CLYBL: variants seen among roughly 807,000 people sequenced by gnomAD.
The protein encoded by CLYBL is citramalyl-CoA lyase, also known as citramalyl-CoA lyase, mitochondrial.
A neutral mutation model predicts 38.9 loss-of-function variants in CLYBL; 31 were observed. The ratio of observed to expected loss-of-function variants is 0.80; its 90% confidence interval spans 0.60 to 1.08. The LOEUF is 1.08. Among genes scored for constraint, CLYBL ranks in the 50% least tolerant of loss-of-function variants. The pLI is 0.00. For synonymous variants in CLYBL, 171 were observed against 158.6 expected, an observed-to-expected ratio of 1.08 and a Z score of -0.59; for missense variants, 434 against 411.6, an observed-to-expected ratio of 1.05 and a Z score of -0.47.
chr13:99,702,447 A>C (rs940983726), intron 1 of CLYBL, among the ~76,000 whole-genome samples: 5 of 152,058 alleles, frequency 3.3e-5, no homozygotes, highest in African/African-American at 1.2e-4. Flanking sequence ...CCTGATCAAC[A>C]TGGTGAAACC....
intron 1 of CLYBL, among the ~76,000 whole-genome samples, chr13:99,677,464 A>G (rs2047670692): frequency 6.6e-6 from 1 of 152,166 alleles, no homozygotes; most frequent in African/African-American, 2.4e-5. Flanking sequence ...TTTATTAAAT[A>G]TGAGTGCACG....
At chr13:99,659,216 GTA>G (rs57354711) in intron 1 of CLYBL, among the ~76,000 whole-genome samples, 3,256 of 148,782 alleles carry the variant, frequency 0.022, 121 homozygotes, top group African/African-American at 0.078. Flanking sequence ...GTGTGTGTGT[GTA>G]TATATATATA....
intron 1 of CLYBL, among the ~76,000 whole-genome samples, chr13:99,730,709 G>A (rs901460280): frequency 6.6e-6 from 1 of 152,122 alleles, no homozygotes; most frequent in African/African-American, 2.4e-5. Flanking sequence ...ATGGACACAG[G>A]ACCAGGGAGG....
rs1421732941 is a variant in CLYBL, at chr13:99,870,953, AC to A, written c.821del (p.Pro274LeufsTer24). ...ATTCTTGTAGGTAAGCAGGTGATTCACCCTAACCAAATTGCCGTGGTCCAGG... is the reference window on the plus strand; with the variant it reads ...ATTCTTGTAGGTAAGCAGGTGATTCACCTAACCAAATTGCCGTGGTCCAGG... ...AMGFTGKQVIHPNQIAVVQEQ... is the reference protein window; with the variant it reads ...AMGFTGKQVIXPNQIAVVQEQ... On this transcript the variant is annotated frameshift_variant, in exon 7 of 9. Transcript: ENST00000339105. LOFTEE classifies it high-confidence loss of function. 6.2e-7 allele frequency: 1 copy of A among 1,611,078 alleles called. No homozygotes were observed. Among genetic ancestry groups the A allele is most frequent in the African/African-American group, 1.3e-5 (1 of 74,712 alleles).
intron 1 of CLYBL, among the ~76,000 whole-genome samples, chr13:99,629,042 C>G (rs1322520898): frequency 6.6e-6 from 1 of 152,220 alleles, no homozygotes; most frequent in East Asian, 1.9e-4. Context: ...CGTTCGCGGA[C>G]TCTGAATTCC....
chr13:99,756,331 C>T (rs1039200085), intron 1 of CLYBL, among the ~76,000 whole-genome samples: 2 of 152,202 alleles, frequency 1.3e-5, no homozygotes, highest in South Asian at 2.1e-4. Context: ...TTTTTGGGAT[C>T]GGTAAGACAC....
At chr13:99,824,618 C>T (rs978886476) in intron 2 of CLYBL, among the ~76,000 whole-genome samples, 29 of 152,164 alleles carry the variant, frequency 1.9e-4, no homozygotes, top group Admixed American at 5.2e-4. Context: ...TGTACACACA[C>T]GCACACTCAC....
At chr13:99,876,720 G>A (rs1258656904) in intron 7 of CLYBL, among the ~76,000 whole-genome samples, 2 of 152,114 alleles carry the variant, frequency 1.3e-5, no homozygotes, top group Non-Finnish European at 2.9e-5. Context: ...AGCCAAGGTG[G>A]AGAGAGGGCT....
At chr13:99,824,263 C>CCCA (rs2050649470) in intron 2 of CLYBL, among the ~76,000 whole-genome samples, 1 of 125,598 alleles carries the variant, frequency 8.0e-6, no homozygotes, top group South Asian at 3.2e-4. Flanking sequence ...AATAGCCCCC[C>CCCA]CCACCCACCC....
intron 1 of CLYBL, among the ~76,000 whole-genome samples, chr13:99,669,417 C>A (rs1327192274): frequency 6.6e-6 from 1 of 152,140 alleles, no homozygotes; most frequent in Non-Finnish European, 1.5e-5. Flanking sequence ...AAAAATTCCA[C>A]AAGCACATTA....
chr13:99,696,089 A>G (rs1291341717), intron 1 of CLYBL, among the ~76,000 whole-genome samples: 1 of 152,198 alleles, frequency 6.6e-6, no homozygotes, highest in South Asian at 2.1e-4. Context: ...AGAGGCCACT[A>G]GAGAAAGTTT....
intron 2 of CLYBL, among the ~76,000 whole-genome samples, chr13:99,824,265 C>CCCA (rs1555313205): frequency 1.5e-5 from 2 of 130,916 alleles, no homozygotes; most frequent in African/African-American, 2.8e-5. Flanking sequence ...TAGCCCCCCC[C>CCCA]ACCCACCCCC....
chr13:99,624,796 A>G (rs1277626151), intron 1 of CLYBL, among the ~76,000 whole-genome samples: 1 of 152,168 alleles, frequency 6.6e-6, no homozygotes, highest in Non-Finnish European at 1.5e-5. Context: ...TGTTGAACAC[A>G]CAGCCCTTCC....
intron 1 of CLYBL, among the ~76,000 whole-genome samples, chr13:99,608,847 CTTTTTTTTTTTTTTTTT>C (rs57961216): frequency 6.8e-5 from 6 of 87,876 alleles, no homozygotes; most frequent in South Asian, 5.7e-4. Context: ...AGTGATGAGT[CTTTTTTTTTTTTTTTTT>C]TTTTTTTTTT....
intron 1 of CLYBL, among the ~76,000 whole-genome samples, chr13:99,619,331 C>T (rs1343093129): frequency 6.6e-6 from 1 of 152,188 alleles, no homozygotes; most frequent in Admixed American, 6.5e-5. Context: ...AAGCAGAGAG[C>T]AGCCCTCTGT....
At chr13:99,674,324 G>A (rs777394822) in intron 1 of CLYBL, among the ~76,000 whole-genome samples, 5 of 151,548 alleles carry the variant, frequency 3.3e-5, no homozygotes, top group African/African-American at 7.3e-5. Context: ...GCTAATTTTT[G>A]TATTTTTAAT....
chr13:99,889,601 G>C (rs936877845), intron 7 of CLYBL, among the ~76,000 whole-genome samples: 3 of 152,190 alleles, frequency 2.0e-5, no homozygotes, highest in Non-Finnish European at 4.4e-5. Flanking sequence ...GGCCACACAG[G>C]TGTTCATGTG....
chr13:99,801,915 C>T (rs146736433), intron 2 of CLYBL, among the ~76,000 whole-genome samples: 73 of 152,294 alleles, frequency 4.8e-4, no homozygotes, highest in African/African-American at 1.7e-3. Flanking sequence ...ACTCGGGAGA[C>T]CGAGGCAGGA....
At chr13:99,843,602 A>ATT (rs1196539167) in intron 2 of CLYBL, among the ~76,000 whole-genome samples, 9 of 73,612 alleles carry the variant, frequency 1.2e-4, no homozygotes, top group African/African-American at 4.4e-4. Context: ...GGAAAAATTA[A>ATT]TCTTTTTTTT....
Sources: allele counts gnomAD v4.1 joint callset (sites outside exome capture counted in the v4.1 genomes callset), GRCh38; gene constraint gnomAD v4.1.1; transcripts MANE v1.5; gene names NCBI Gene and HGNC (gene_info 2026-07-23, HGNC 2026-07-21).